Variants in CLASP2 observed in about 807,000 individuals in gnomAD.
CLASP2 encodes the protein cytoplasmic linker associated protein 2.
In CLASP2, 47 loss-of-function variants were observed where a neutral mutation model predicts 194.4. That is an observed-to-expected ratio of 0.24 (90% CI 0.19 to 0.31). The LOEUF is 0.31. Ranked by LOEUF, CLASP2 falls within the 10% of genes least tolerant of loss-of-function variation. CLASP2 has a pLI of 1.00. For missense variants in CLASP2, 1,445 were observed against 1,823.6 expected (o/e 0.79, Z 3.78); for synonymous variants, 619 against 633.5 (o/e 0.98, Z 0.34).
chr3:33,508,237 T>C (rs2048817059), intron 37 of CLASP2, among the ~76,000 whole-genome samples: 1 of 152,188 alleles, frequency 6.6e-6, no homozygotes, highest in Non-Finnish European at 1.5e-5. Flanking sequence ...CAGGCTGGTC[T>C]CGAACTTCCA....
chr3:33,682,011 A>T (rs2089932870), intron 6 of CLASP2, among the ~76,000 whole-genome samples: 1 of 151,846 alleles, frequency 6.6e-6, no homozygotes, highest in Admixed American at 6.6e-5. Context: ...CCTCCTCATC[A>T]CTTTCCACTG....
chr3:33,673,490 G>T (rs1393315293), intron 6 of CLASP2, among the ~76,000 whole-genome samples: 1 of 152,100 alleles, frequency 6.6e-6, no homozygotes, highest in Admixed American at 6.5e-5. Flanking sequence ...GCAAAATCAT[G>T]CCAAAATGTA....
In CLASP2 at chr3:33,551,370, A is replaced by G. The variant is rs374578698; in HGVS notation, c.3035T>C (p.Ile1012Thr). ...ATCCATCTGTTTGGCCAGAGTTTCTATGTATTTAAGGATAGCAACCTTCAC... is the reference window on the plus strand; with the variant it reads ...ATCCATCTGTTTGGCCAGAGTTTCTGTGTATTTAAGGATAGCAACCTTCAC... ...LKVKVAILKY[I>T]ETLAKQMDPG... Residue 1012 changes from isoleucine to threonine, a missense_variant, in exon 30 of 39, where the codon ATA (isoleucine) becomes ACA (threonine). Ile to Thr is a moderately conservative substitution (Grantham distance 89, BLOSUM62 -1). Transcript: ENST00000682230. 2 of 1,613,888 alleles carry G rather than the reference A, an allele frequency of 1.2e-6. No individual in the cohort carries two copies. The highest frequency in any genetic ancestry group is 1.7e-6 in the Non-Finnish European group (2 of 1,179,832).
chr3:33,696,266 T>A (rs1472803271), intron 2 of CLASP2, among the ~76,000 whole-genome samples: 3 of 151,212 alleles, frequency 2.0e-5, no homozygotes, highest in Admixed American at 6.6e-5. Flanking sequence ...CCATAAATAG[T>A]CTGAAACATG....
Position 33,555,452 on chromosome 3 carries a change from G to A in CLASP2, c.3009+3855C>T, listed in dbSNP as rs536432186. On this transcript the variant is annotated intron_variant, in intron 29 of 38. Transcript: ENST00000682230. ...GTCATCTCGGCTCACTGGTAGCCTTGACATCCCAACTCAAGTGACCCTCCC... is the reference window on the plus strand; with the variant it reads ...GTCATCTCGGCTCACTGGTAGCCTTAACATCCCAACTCAAGTGACCCTCCC... Among the ~76,000 whole-genome samples, 10 of 150,314 alleles carry A rather than the reference G, an allele frequency of 6.7e-5. No individual in the cohort carries two copies. In the South Asian group the frequency reaches 1.5e-3, roughly 22 times the overall value.
chr3:33,653,418 T>G (rs1410091771), intron 7 of CLASP2, among the ~76,000 whole-genome samples: 1 of 151,860 alleles, frequency 6.6e-6, no homozygotes, highest in Non-Finnish European at 1.5e-5. Context: ...CTTCACTAAA[T>G]AAATGGCAAG....
intron 6 of CLASP2, among the ~76,000 whole-genome samples, chr3:33,676,762 A>G (rs1381827991): frequency 6.6e-6 from 1 of 152,208 alleles, no homozygotes; most frequent in East Asian, 1.9e-4. Context: ...CAGAGTGAAC[A>G]GGCAACCTAC....
At chr3:33,686,472 G>C (rs1286820033) in intron 5 of CLASP2, among the ~76,000 whole-genome samples, 1 of 152,080 alleles carries the variant, frequency 6.6e-6, no homozygotes, top group African/African-American at 2.4e-5. Context: ...CATGCGAGGG[G>C]ATCTAGGTCG....
At chr3:33,585,143 A>G (rs1357875246) in intron 21 of CLASP2, among the ~76,000 whole-genome samples, 1 of 152,202 alleles carries the variant, frequency 6.6e-6, no homozygotes, top group Non-Finnish European at 1.5e-5. Flanking sequence ...CATCTAAAAT[A>G]TACTTTCAGT....
chr3:33,589,687 GAGA>G (rs1198383859), intron 21 of CLASP2, among the ~76,000 whole-genome samples: 3 of 152,062 alleles, frequency 2.0e-5, no homozygotes, highest in African/African-American at 4.8e-5. Context: ...CACAATTTAG[GAGA>G]AGATGTGGAG....
intron 29 of CLASP2, among the ~76,000 whole-genome samples, chr3:33,556,865 G>C (rs1185541750): frequency 6.6e-6 from 1 of 152,126 alleles, no homozygotes; most frequent in Non-Finnish European, 1.5e-5. Context: ...TTTTCTAATA[G>C]GAAAGTTAAT....
At chr3:33,580,545 A>G (rs1285925158) in intron 23 of CLASP2, among the ~76,000 whole-genome samples, 1 of 152,078 alleles carries the variant, frequency 6.6e-6, no homozygotes, top group Non-Finnish European at 1.5e-5. Flanking sequence ...CCTGGGCAAC[A>G]GAGTGAGACT....
intron 30 of CLASP2, among the ~76,000 whole-genome samples, chr3:33,548,072 G>A (rs1004615626): frequency 6.6e-6 from 1 of 151,478 alleles, no homozygotes; most frequent in Non-Finnish European, 1.5e-5. Context: ...CACCGTGCCT[G>A]GCTTGTGCAT....
At chr3:33,520,680 T>A (rs1212169384) in intron 34 of CLASP2, among the ~76,000 whole-genome samples, 1 of 152,148 alleles carries the variant, frequency 6.6e-6, no homozygotes, top group African/African-American at 2.4e-5. Context: ...TTGGTAAACA[T>A]ATTAAAGATA....
At chr3:33,526,107 G>C (rs1158010843) in intron 34 of CLASP2, among the ~76,000 whole-genome samples, 1 of 151,654 alleles carries the variant, frequency 6.6e-6, no homozygotes, top group Non-Finnish European at 1.5e-5. Flanking sequence ...TTTATAGCTG[G>C]GATTACAGGT....
chr3:33,608,673 A>G, intron 13 of CLASP2, 47 bp from the exon 14 acceptor site: 1 of 1,300,684 alleles, frequency 7.7e-7, no homozygotes, highest in African/African-American at 1.5e-5. Flanking sequence ...ATTGAGAAAT[A>G]CATTAACACT....
At position 33,510,655 on chromosome 3, in the gene CLASP2, T is replaced by A. The variant is rs1406793687; in HGVS notation, c.4220A>T (p.Asn1407Ile). 6.2e-7 allele frequency: 1 copy of A among 1,613,902 alleles called. No homozygotes were observed. Among genetic ancestry groups the A allele is most frequent in the East Asian group, 2.2e-5 (1 of 44,870 alleles). The change falls in exon 37 of 39, where the codon AAT becomes ATT. Residue 1407 changes from asparagine (N) to isoleucine (I), a missense_variant. Asn to Ile is a moderately radical substitution (Grantham distance 149, BLOSUM62 -3). Transcript: ENST00000682230. ...PIIQTADYPI[N>I]LAAIKMQTKV... ...TGTTTGCATTTTGATTGCAGCCAGA[T>A]TAATTGGGTAGTCTGCAGTTTGAAT...
intron 18 of CLASP2, among the ~76,000 whole-genome samples, chr3:33,598,551 T>C (rs377197130): frequency 3.9e-5 from 6 of 152,302 alleles, no homozygotes; most frequent in African/African-American, 1.2e-4. Context: ...CTTACACTTC[T>C]AACTTTTCCA....
chr3:33,705,957 T>TA (rs532107783), intron 1 of CLASP2, among the ~76,000 whole-genome samples: 1 of 152,150 alleles, frequency 6.6e-6, no homozygotes, highest in Non-Finnish European at 1.5e-5. Flanking sequence ...TAAATGTTTA[T>TA]AAAAAACAAT....
Sources: gnomAD v4.1 joint callset for allele counts (sites outside exome capture counted in the v4.1 genomes callset) on GRCh38, gnomAD v4.1.1 for gene constraint, MANE v1.5 for transcripts, NCBI Gene and HGNC (gene_info 2026-07-23, HGNC 2026-07-21) for gene names.